Variants in KCNH7 observed in about 807,000 individuals in gnomAD.
KCNH7 encodes potassium voltage-gated channel subfamily H member 7, also known as voltage-gated inwardly rectifying potassium channel KCNH7.
Under a neutral mutation model 120.8 loss-of-function variants are expected in KCNH7, and 49 were observed. That is an observed-to-expected ratio of 0.41 (90% confidence interval 0.32 to 0.51). The LOEUF is 0.51. Among genes scored for constraint, KCNH7 ranks in the 20% least tolerant of loss-of-function variants. The probability of loss-of-function intolerance (pLI) is 0.38; values close to 1 mark genes in which losing one functional copy is unlikely to be tolerated. For missense variants in KCNH7, 1,097 were observed against 1,446.6 expected, an observed-to-expected ratio of 0.76 and a Z score of 3.92; for synonymous variants, 547 against 516.1, an observed-to-expected ratio of 1.06 and a Z score of -0.81.
chr2:162,739,463 T>C (rs1422593344), intron 2 of KCNH7, among the ~76,000 whole-genome samples: 1 of 152,194 alleles, frequency 6.6e-6, no homozygotes, highest in East Asian at 1.9e-4. Context: ...ATGTCTTTTC[T>C]ACCTGCTGGT....
chr2:162,436,259 A>G (rs1271437685), intron 7 of KCNH7, among the ~76,000 whole-genome samples: 1 of 152,124 alleles, frequency 6.6e-6, no homozygotes, highest in Non-Finnish European at 1.5e-5. Flanking sequence ...AGAAGGAGCC[A>G]GTCAAGCCCC....
chr2:162,723,378 A>C (rs1297722641), intron 2 of KCNH7, among the ~76,000 whole-genome samples: 1 of 152,172 alleles, frequency 6.6e-6, no homozygotes. Context: ...TTGCCAATTG[A>C]AGGGATATCC....
At chr2:162,691,037 C>G (rs779075621) in intron 2 of KCNH7, among the ~76,000 whole-genome samples, 1 of 152,104 alleles carries the variant, frequency 6.6e-6, no homozygotes, top group Non-Finnish European at 1.5e-5. Flanking sequence ...CTATTTCCAT[C>G]CATGAATGAT....
At position 162,800,245 on chromosome 2, in the gene KCNH7, G is replaced by A. The variant is rs997726117; in HGVS notation, c.307+36292C>T. ...GTAAGTGAGAATTGTTATTGCTGCC[G>A]TGATTTCAGCACCTTAAATATTTAA... On this transcript the variant is annotated intron_variant, in intron 2 of 15. Coordinates refer to ENST00000332142, the MANE Select transcript of KCNH7 (RefSeq NM_033272.4). 7.9e-5 allele frequency among the ~76,000 whole-genome samples: 12 copies of A among 151,690 alleles called. No homozygotes were observed. In the South Asian group the frequency reaches 8.3e-4, roughly 11 times the overall value.
chr2:162,517,118 T>C (rs1240418602), intron 4 of KCNH7, among the ~76,000 whole-genome samples: 1 of 151,796 alleles, frequency 6.6e-6, no homozygotes, highest in Non-Finnish European at 1.5e-5. Flanking sequence ...CTGGCTAATG[T>C]AAGAATGTGA....
intron 2 of KCNH7, among the ~76,000 whole-genome samples, chr2:162,744,135 A>C (rs1455694737): frequency 1.3e-5 from 2 of 152,190 alleles, no homozygotes; most frequent in African/African-American, 4.8e-5. Flanking sequence ...TCATCCTTGC[A>C]AAAATATCCA....
At chr2:162,478,158 A>G (rs1689809736) in intron 6 of KCNH7, among the ~76,000 whole-genome samples, 1 of 152,206 alleles carries the variant, frequency 6.6e-6, no homozygotes, top group African/African-American at 2.4e-5. Context: ...AGTAGAGCCC[A>G]TTAGACCGGG....
intron 2 of KCNH7, among the ~76,000 whole-genome samples, chr2:162,573,929 C>G (rs893732068): frequency 2.6e-5 from 4 of 151,784 alleles, no homozygotes; most frequent in African/African-American, 9.7e-5. Flanking sequence ...CCTGTGAGGA[C>G]GGGTTGCTAT....
chr2:162,657,392 T>C (rs766189517), intron 2 of KCNH7, among the ~76,000 whole-genome samples: 2 of 152,222 alleles, frequency 1.3e-5, no homozygotes, highest in Non-Finnish European at 2.9e-5. Context: ...CAGAATGTTT[T>C]ACAGCTGTCA....
chr2:162,475,810 A>G (rs974492579), intron 6 of KCNH7, among the ~76,000 whole-genome samples: 13 of 152,146 alleles, frequency 8.5e-5, no homozygotes, highest in African/African-American at 2.2e-4. Flanking sequence ...GTTGGCTCAG[A>G]TGAGCTGGCA....
At chr2:162,379,780 A>G (rs538008875) in intron 14 of KCNH7, 73 bp downstream of exon 14, 481 of 1,430,330 alleles carry the variant, frequency 3.4e-4, no homozygotes, top group Admixed American at 5.9e-4. Context: ...AGAATTTTCC[A>G]TTTGTAAGGA....
chr2:162,651,114 A>T (rs1684550340), intron 2 of KCNH7, among the ~76,000 whole-genome samples: 1 of 152,212 alleles, frequency 6.6e-6, no homozygotes, highest in Non-Finnish European at 1.5e-5. Context: ...TATTGGTAAA[A>T]TGTTCTGTAT....
chr2:162,731,239 T>A (rs1687718992), intron 2 of KCNH7, among the ~76,000 whole-genome samples: 1 of 149,064 alleles, frequency 6.7e-6, no homozygotes, highest in African/African-American at 2.4e-5. Flanking sequence ...TATATGTGTG[T>A]GTGTGTGTGT....
intron 3 of KCNH7, among the ~76,000 whole-genome samples, chr2:162,523,055 A>G (rs1354240688): frequency 1.3e-5 from 2 of 151,864 alleles, no homozygotes; most frequent in African/African-American, 2.4e-5. Context: ...TAATCTATAC[A>G]TGCAAAAATG....
At chr2:162,762,000 G>A (rs1244602445) in intron 2 of KCNH7, among the ~76,000 whole-genome samples, 3 of 151,936 alleles carry the variant, frequency 2.0e-5, no homozygotes, top group Non-Finnish European at 4.4e-5. Flanking sequence ...AGATAGTAAA[G>A]GTGAGTCCCT....
At chr2:162,566,831 C>T (rs1303495265) in intron 2 of KCNH7, among the ~76,000 whole-genome samples, 1 of 151,830 alleles carries the variant, frequency 6.6e-6, no homozygotes, top group Non-Finnish European at 1.5e-5. Context: ...ATACTGAACA[C>T]AGGAGTATCC....
chr2:162,603,367 T>A (rs1694625545), intron 2 of KCNH7, among the ~76,000 whole-genome samples: 1 of 152,112 alleles, frequency 6.6e-6, no homozygotes. Flanking sequence ...CTCATTCTCA[T>A]TTGTTCTTAA....
At chr2:162,392,456 A>G (rs1421450521) in intron 12 of KCNH7, among the ~76,000 whole-genome samples, 1 of 151,982 alleles carries the variant, frequency 6.6e-6, no homozygotes, top group Non-Finnish European at 1.5e-5. Flanking sequence ...TAGAAAGAGT[A>G]TTCATTGAGG....
chr2:162,805,143 C>G (rs1684495771), intron 2 of KCNH7, among the ~76,000 whole-genome samples: 1 of 151,612 alleles, frequency 6.6e-6, no homozygotes, highest in Non-Finnish European at 1.5e-5. Flanking sequence ...AGAGGACAAC[C>G]CTGGAAAAAC....
Sources: allele counts gnomAD v4.1 joint callset (sites outside exome capture counted in the v4.1 genomes callset), GRCh38; gene constraint gnomAD v4.1.1; transcripts MANE v1.5; gene names NCBI Gene and HGNC (gene_info 2026-07-23, HGNC 2026-07-21).